The following SLC44A5 variants were observed in gnomAD, a reference collection of about 807,000 sequenced individuals.
SLC44A5 encodes the protein solute carrier family 44 member 5, also known as choline transporter-like protein 5.
In SLC44A5, 57 loss-of-function variants were observed where a neutral mutation model predicts 101.8. The ratio of observed to expected loss-of-function variants is 0.56; its 90% confidence interval spans 0.45 to 0.70. The LOEUF (loss-of-function observed/expected upper bound fraction) is 0.70, where lower values mean the gene tolerates loss of function less well. SLC44A5 is among the 30% of genes least tolerant of loss of function. The pLI, the probability that SLC44A5 is intolerant of heterozygous loss-of-function variation, is 0.00. For missense variants in SLC44A5, 737 were observed against 853.1 expected, an observed-to-expected ratio of 0.86 and a Z score of 1.70; for synonymous variants, 281 against 290.9, an observed-to-expected ratio of 0.97 and a Z score of 0.35.
chr1:75,221,960 CTT>C (rs1386952425), intron 14 of SLC44A5, among the ~76,000 whole-genome samples: 21 of 97,142 alleles, frequency 2.2e-4, no homozygotes, highest in Admixed American at 3.5e-4. Flanking sequence ...TCTTCTTCTT[CTT>C]TTTTTTTTTT....
chr1:75,298,537 C>T (rs889914032), intron 5 of SLC44A5, among the ~76,000 whole-genome samples: 1 of 152,056 alleles, frequency 6.6e-6, no homozygotes, highest in South Asian at 2.1e-4. Context: ...TCTGTTTTGT[C>T]TACGGAAGAG....
the SLC44A5 span, among the ~76,000 whole-genome samples, chr1:75,695,978 G>T: frequency 6.6e-6 from 1 of 151,024 alleles, no homozygotes; most frequent in Non-Finnish European, 1.5e-5. Flanking sequence ...TTTTTTAATG[G>T]CAGCACAGCT....
intron 2 of SLC44A5, among the ~76,000 whole-genome samples, chr1:75,477,623 G>A (rs905989914): frequency 4.3e-4 from 66 of 152,286 alleles, no homozygotes; most frequent in African/African-American, 7.2e-4. Context: ...CTCAGGAGCC[G>A]ATGTGATCAA....
intron 2 of SLC44A5, among the ~76,000 whole-genome samples, chr1:75,416,205 A>G (rs1336843167): frequency 6.6e-6 from 1 of 152,166 alleles, no homozygotes; most frequent in Non-Finnish European, 1.5e-5. Flanking sequence ...GGGTCTCCCT[A>G]CTGTGTGCAG....
chr1:75,315,530 T>C (rs1328059382), intron 4 of SLC44A5, among the ~76,000 whole-genome samples: 5 of 152,142 alleles, frequency 3.3e-5, no homozygotes. Context: ...TCACATGCAC[T>C]GTCTTTCATC....
chr1:75,609,566 G>A (rs1428595995), intron 1 of SLC44A5, among the ~76,000 whole-genome samples: 3 of 151,818 alleles, frequency 2.0e-5, no homozygotes, highest in African/African-American at 7.3e-5. Flanking sequence ...CTGATTTTTG[G>A]TTCGGTAGTG....
At chr1:75,438,580 CAACT>C (rs1446073492) in intron 2 of SLC44A5, among the ~76,000 whole-genome samples, 5 of 152,032 alleles carry the variant, frequency 3.3e-5, no homozygotes, top group African/African-American at 1.2e-4. Flanking sequence ...GACCTCATCA[CAACT>C]AACTAAGACT....
intron 2 of SLC44A5, among the ~76,000 whole-genome samples, chr1:75,523,521 C>A (rs148363232): frequency 0.011 from 1,686 of 151,952 alleles, 41 homozygotes; most frequent in African/African-American, 0.038. Context: ...GGAGTTTTGC[C>A]ATGTTGGCCA....
chr1:75,443,424 C>A (rs1248142562), intron 2 of SLC44A5, among the ~76,000 whole-genome samples: 2 of 151,766 alleles, frequency 1.3e-5, no homozygotes, highest in African/African-American at 2.4e-5. Context: ...GGGTGTATAA[C>A]TACAAACATA....
At chr1:75,206,537 T>C (rs1646751562) in intron 23 of SLC44A5, 1 of 1,066,790 alleles carries the variant, frequency 9.4e-7, no homozygotes, top group African/African-American at 1.6e-5. Context: ...AAAAGCAACA[T>C]TTCCAAATTA....
chr1:75,413,074 G>A (rs1663387210), intron 2 of SLC44A5, among the ~76,000 whole-genome samples: 1 of 152,148 alleles, frequency 6.6e-6, no homozygotes, highest in South Asian at 2.1e-4. Context: ...GGTATTTTGA[G>A]GAAGAGAGGC....
At chr1:75,598,869 C>A (rs1290853418) in intron 1 of SLC44A5, among the ~76,000 whole-genome samples, 1 of 152,004 alleles carries the variant, frequency 6.6e-6, no homozygotes, top group East Asian at 1.9e-4. Context: ...TACAACAAAC[C>A]CCCATGACAC....
intron 2 of SLC44A5, among the ~76,000 whole-genome samples, chr1:75,441,427 G>A (rs1018363521): frequency 5.3e-5 from 8 of 150,326 alleles, no homozygotes; most frequent in African/African-American, 2.0e-4. Flanking sequence ...GAAGTTCATG[G>A]AGAAAACAAA....
intron 2 of SLC44A5, among the ~76,000 whole-genome samples, chr1:75,420,079 G>A (rs1663906441): frequency 6.6e-6 from 1 of 152,054 alleles, no homozygotes; most frequent in African/African-American, 2.4e-5. Context: ...TTCTAAGAGA[G>A]GCCCAGGAGA....
chr1:75,586,309 A>G (rs1426846305), intron 1 of SLC44A5, among the ~76,000 whole-genome samples: 1 of 151,732 alleles, frequency 6.6e-6, no homozygotes, highest in African/African-American at 2.4e-5. Context: ...TAGATAGGGG[A>G]TTTCTCAGTC....
At chr1:75,486,979 T>C (rs1023922789) in intron 2 of SLC44A5, among the ~76,000 whole-genome samples, 3 of 152,190 alleles carry the variant, frequency 2.0e-5, no homozygotes, top group African/African-American at 7.2e-5. Flanking sequence ...GGGTAGAAGA[T>C]AGGAAATACT....
intron 12 of SLC44A5, among the ~76,000 whole-genome samples, chr1:75,231,283 G>A (rs369725804): frequency 9.2e-5 from 14 of 152,124 alleles, no homozygotes; most frequent in South Asian, 4.1e-4. Flanking sequence ...TTGGTTCCCC[G>A]CTTTGATTTT....
chr1:75,438,216 G>A (rs753018867), intron 2 of SLC44A5, among the ~76,000 whole-genome samples: 2 of 152,124 alleles, frequency 1.3e-5, no homozygotes. Flanking sequence ...ATTGGATTCA[G>A]CAATCTGGAA....
chr1:75,424,859 A>G (rs1400259076), intron 2 of SLC44A5, among the ~76,000 whole-genome samples: 3 of 152,236 alleles, frequency 2.0e-5, no homozygotes, highest in African/African-American at 4.8e-5. Context: ...TGAAGAATTT[A>G]GTGAGCCAAC....
Sources: gnomAD v4.1 joint callset for allele counts (sites outside exome capture counted in the v4.1 genomes callset) on GRCh38, gnomAD v4.1.1 for gene constraint, MANE v1.5 for transcripts, NCBI Gene and HGNC (gene_info 2026-07-23, HGNC 2026-07-21) for gene names.